NR2E1: variants seen among roughly 807,000 people sequenced by gnomAD.
The protein encoded by NR2E1 is nuclear receptor TLX.
NR2E1 carries 5 observed loss-of-function variants against 43.6 expected under a neutral mutation model. The observed-to-expected ratio is 0.11, with a 90% CI of 0.06 to 0.24. The LOEUF is 0.24. Ranked by LOEUF, NR2E1 falls within the 10% of genes least tolerant of loss-of-function variation. NR2E1 has a pLI of 1.00. For synonymous variants in NR2E1, 191 were observed against 195.5 expected (o/e 0.98, Z 0.19); for missense variants, 287 against 496.7 (o/e 0.58, Z 4.01).
intron 1 of NR2E1, 55 bp from the exon 2 acceptor site, chr6:108,171,403 G>C (rs1375418787): frequency 2.5e-6 from 4 of 1,592,718 alleles, no homozygotes; most frequent in Non-Finnish European, 3.4e-6. Context: ...CCTCTTCTCC[G>C]CCCTCCTTTC....
At chr6:108,177,447 A>T (rs1468663913) in intron 4 of NR2E1, among the ~76,000 whole-genome samples, 1 of 152,212 alleles carries the variant, frequency 6.6e-6, no homozygotes, top group Non-Finnish European at 1.5e-5. Context: ...CTCCAGGCTG[A>T]TGAGGGCCTA....
chr6:108,184,331 G>A (rs192185539), intron 8 of NR2E1, among the ~76,000 whole-genome samples: 2 of 151,596 alleles, frequency 1.3e-5, no homozygotes, highest in African/African-American at 4.9e-5. Flanking sequence ...TCCAGTTATT[G>A]ATCCAGTCAA....
At position 108,169,119 on chromosome 6, in the gene NR2E1, C is replaced by T. The variant is rs538140670; in HGVS notation, c.25+2329C>T. On this transcript the variant is annotated intron_variant, in intron 1 of 8. Coordinates refer to ENST00000368986, the MANE Select transcript of NR2E1 (RefSeq NM_003269.5). The surrounding 1 kb of genome is among the most constrained non-coding windows in gnomAD (Gnocchi z 6.1). ...GGGGTCAACCAGCTTGTCTCGTGAC[C>T]CCAAGTCACCTTAACGTGGCTGGGT... 2.6e-5 allele frequency among the ~76,000 whole-genome samples: 4 copies of T among 152,274 alleles called. No homozygotes were observed. The highest frequency in any genetic ancestry group is 3.9e-4 in the East Asian group (2 of 5,166).
Position 108,166,694 on chromosome 6 carries a change from G to T in NR2E1, c.-72G>T. 1 of 1,354,888 alleles carries T rather than the reference G, an allele frequency of 7.4e-7. No homozygotes were observed. Among genetic ancestry groups the T allele is most frequent in the Non-Finnish European group, 9.7e-7 (1 of 1,027,472 alleles). The allele number at this position is 1,354,888 out of a possible 1,614,324, so 83.9% of individuals were successfully genotyped here. On this transcript the variant is annotated 5_prime_UTR_variant, in exon 1 of 9. Coordinates refer to ENST00000368986, the MANE Select transcript of NR2E1 (RefSeq NM_003269.5). This position sits in a 1 kb window ranked among gnomAD's most constrained non-coding sequence, Gnocchi z 7.2. Reference sequence around the variant, plus strand: ...GGGCAGCTGGAGAGCGGCGGCGCCCGGCGGCGAGGCGGGCGCTGCCGGCCG... The same window carrying T: ...GGGCAGCTGGAGAGCGGCGGCGCCCTGCGGCGAGGCGGGCGCTGCCGGCCG...
At chr6:108,171,690 C>A in intron 2 of NR2E1, 87 bp downstream of exon 2, 1 of 1,561,460 alleles carries the variant, frequency 6.4e-7, no homozygotes, top group Non-Finnish European at 8.8e-7. Flanking sequence ...TGAGTTTCCA[C>A]GCAGTTGAGG....
chr6:108,178,363 A>G, intron 5 of NR2E1, 122 bp downstream of exon 5: 3 of 1,005,756 alleles, frequency 3.0e-6, no homozygotes, highest in Non-Finnish European at 1.5e-6. Context: ...TCTTAATAGC[A>G]GTGAGGAAAC....
chr6:108,170,229 G>T (rs78210377), intron 1 of NR2E1, among the ~76,000 whole-genome samples: 236 of 152,334 alleles, frequency 1.5e-3, no homozygotes, highest in Middle Eastern at 3.4e-3. Context: ...GCCTGAGGCC[G>T]CTGGGGCCCA....
rs1245591949 is a variant in NR2E1 at position 108,181,547 on chromosome 6, T to G, written c.891T>G (p.Val297=). Residue 297 remains valine, a splice_region_variant and synonymous_variant, in exon 8 of 9, where the codon GTT becomes GTG. Transcript: ENST00000368986. ...CAGTTTCCTGGTCTTCATTTCTAGTTCCTACACATAGTGGTTCTGAACTGA... is the reference window on the plus strand; with the variant it reads ...CAGTTTCCTGGTCTTCATTTCTAGTGCCTACACATAGTGGTTCTGAACTGA... ...CLKCIVTFKA[V]PTHSGSELRS... 2 of 1,612,976 alleles carry G rather than the reference T, an allele frequency of 1.2e-6. No individual in the cohort carries two copies. The highest frequency in any genetic ancestry group is 1.7e-6 in the Non-Finnish European group (2 of 1,178,952).
chr6:108,178,447 A>C (rs552676582), intron 5 of NR2E1, among the ~76,000 whole-genome samples: 16 of 152,392 alleles, frequency 1.0e-4, no homozygotes, highest in African/African-American at 3.8e-4. Context: ...AAACGTAATT[A>C]CATTATTTCA....
At chr6:108,171,718 C>A in intron 2 of NR2E1, 115 bp downstream of exon 2, 1 of 1,241,744 alleles carries the variant, frequency 8.1e-7, no homozygotes, top group Non-Finnish European at 1.2e-6. Context: ...CGGCCCTGAC[C>A]TCTCCCTTCC....
At chr6:108,168,195 C>A (rs1202890359) in intron 1 of NR2E1, 1 of 1,557,724 alleles carries the variant, frequency 6.4e-7, no homozygotes, top group African/African-American at 1.4e-5. Context: ...TGCCCGCATT[C>A]CCGGGCGTGA....
In NR2E1 at chr6:108,169,977, G is replaced by GCT. The variant is rs796508147; in HGVS notation, c.26-1477_26-1476dup. Among the ~76,000 whole-genome samples, 8 of 138,328 alleles carry GCT rather than the reference G, an allele frequency of 5.8e-5. No individual in the cohort carries two copies. Among genetic ancestry groups the GCT allele is most frequent in the African/African-American group, 2.2e-4 (8 of 36,142 alleles). 90.7% of individuals were successfully genotyped at this position (138,328 alleles called of 152,430 possible). Reference sequence around the variant, plus strand: ...CTCACCCCCAAGCACGGTCCCCCGCGCTCTCCTTCCCCCACCCCCTCCACC... The same window carrying GCT: ...CTCACCCCCAAGCACGGTCCCCCGCGCTCTCTCCTTCCCCCACCCCCTCCACC... On this transcript the variant is annotated intron_variant, in intron 1 of 8. Transcript: ENST00000368986. The surrounding 1 kb of genome is among the most constrained non-coding windows in gnomAD (Gnocchi z 6.1).
intron 8 of NR2E1, among the ~76,000 whole-genome samples, chr6:108,185,147 G>C (rs760254669): frequency 1.2e-4 from 19 of 152,136 alleles, no homozygotes; most frequent in Non-Finnish European, 2.5e-4. Flanking sequence ...GAGCCTAATT[G>C]TATATTACAG....
chr6:108,168,245 A>G, intron 1 of NR2E1: 2 of 1,399,086 alleles, frequency 1.4e-6, no homozygotes, highest in Non-Finnish European at 1.9e-6. Context: ...TTTCTGTTGC[A>G]TTCTGAGCCT....
chr6:108,177,720 T>C (rs914225254), intron 4 of NR2E1, among the ~76,000 whole-genome samples: 1 of 152,266 alleles, frequency 6.6e-6, no homozygotes, highest in African/African-American at 2.4e-5. Context: ...GGGATGCCTA[T>C]TAATTTATAC....
rs573906530 is a variant in NR2E1 at position 108,168,055 on chromosome 6, A to C, written c.25+1265A>C. 3.4e-5 allele frequency: 54 copies of C among 1,602,362 alleles called. No homozygotes were observed. In the Middle Eastern group the frequency reaches 6.6e-4, roughly 20 times the overall value. ...TTTCGAGCTGGGGCAGAGGGAGCAGAGAAGGAGCCCTCACCGCGGCCGGAA... is the reference window on the plus strand; with the variant it reads ...TTTCGAGCTGGGGCAGAGGGAGCAGCGAAGGAGCCCTCACCGCGGCCGGAA... On this transcript the variant is annotated intron_variant, in intron 1 of 8. Coordinates refer to ENST00000368986, the MANE Select transcript of NR2E1 (RefSeq NM_003269.5).
At chr6:108,170,222 T>C (rs1361996387) in intron 1 of NR2E1, among the ~76,000 whole-genome samples, 2 of 152,184 alleles carry the variant, frequency 1.3e-5, no homozygotes, top group East Asian at 1.9e-4. Flanking sequence ...CAGGGAGGCC[T>C]GAGGCCGCTG....
chr6:108,180,387 C>T lies in NR2E1; in HGVS notation c.707C>T (p.Pro236Leu), dbSNP rs867075568. ...CTAGGAATAGCACAATGGGCCATTCCGGTTGATGCTAACACTCTACTGGCT... is the reference window on the plus strand; with the variant it reads ...CTAGGAATAGCACAATGGGCCATTCTGGTTGATGCTAACACTCTACTGGCT... ...FVLGIAQWAIPVDANTLLAVS... is the reference protein window; with the variant it reads ...FVLGIAQWAILVDANTLLAVS... The change falls in exon 6 of 9, where the codon CCG (proline) becomes CTG (leucine). Residue 236 changes from proline (P) to leucine (L), a missense_variant. This residue lies in a region of NR2E1 where 119 missense variants were observed against 187.0 expected (regional missense o/e 0.64). Coordinates refer to ENST00000368986, the MANE Select transcript of NR2E1 (RefSeq NM_003269.5). The surrounding 1 kb of genome is among the most constrained non-coding windows in gnomAD (Gnocchi z 5.4). 13 of 1,612,668 alleles carry T rather than the reference C, an allele frequency of 8.1e-6. No individual in the cohort carries two copies. Among genetic ancestry groups the T allele is most frequent in the East Asian group, 2.2e-5 (1 of 44,834 alleles).
At chr6:108,173,326 A>C (rs1449348921) in intron 2 of NR2E1, among the ~76,000 whole-genome samples, 1 of 152,260 alleles carries the variant, frequency 6.6e-6, no homozygotes, top group Non-Finnish European at 1.5e-5. Flanking sequence ...AATTACATTT[A>C]ATAACAAGTT....
Sources: allele counts gnomAD v4.1 joint callset (sites outside exome capture counted in the v4.1 genomes callset), GRCh38; gene constraint gnomAD v4.1.1; regional missense constraint gnomAD v4.1.1; non-coding constraint Gnocchi (gnomAD v3.1); transcripts MANE v1.5; gene names NCBI Gene and HGNC (gene_info 2026-07-23, HGNC 2026-07-21).